Variants in STEAP2 observed in about 807,000 individuals in gnomAD.
The protein encoded by STEAP2 is STEAP2 metalloreductase, also known as metalloreductase STEAP2.
In STEAP2, 30 loss-of-function variants were observed where a neutral mutation model predicts 46.4. The observed-to-expected ratio is 0.65, with a 90% CI of 0.48 to 0.88. The LOEUF (loss-of-function observed/expected upper bound fraction) is 0.88, where lower values mean the gene tolerates loss of function less well. Ranked by LOEUF, STEAP2 falls within the 40% of genes least tolerant of loss-of-function variation. STEAP2 has a pLI of 0.00. For missense variants in STEAP2, 513 were observed against 579.3 expected (o/e 0.89, Z 1.18); for synonymous variants, 180 against 200.5 (o/e 0.90, Z 0.86).
Position 90,234,939 on chromosome 7 carries a change from G to A in STEAP2, c.*2315G>A, listed in dbSNP as rs1795909991. 1 of 983,642 alleles carries A rather than the reference G, an allele frequency of 1.0e-6. No individual in the cohort carries two copies. The highest frequency in any genetic ancestry group is 1.2e-6 in the Non-Finnish European group (1 of 828,484). The allele number at this position is 983,642 out of a possible 1,614,324, so 60.9% of individuals were successfully genotyped here. ...CTTGAGAATCACTTGTTAGTTCTTG[G>A]TAGGAATTCAGTTGGGCAATGATAA... On this transcript the variant is annotated 3_prime_UTR_variant, in exon 6 of 6. Coordinates refer to ENST00000394621, the MANE Select transcript of STEAP2 (RefSeq NM_001244944.2).
rs1795551266 is a variant in STEAP2, at chr7:90,227,469, T to G, written c.991T>G (p.Tyr331Asp). ...CTTACCGATGAGAAGGTCAGAGAGA[T>G]ATTTGTTTCTCAACATGGCTTATCA... ...LCLPMRRSERYLFLNMAYQQV... is the reference protein window; with the variant it reads ...LCLPMRRSERDLFLNMAYQQV... The change falls in exon 4 of 6, where the codon TAT becomes GAT. Residue 331 changes from tyrosine to aspartate, a missense_variant. By Grantham distance (160) the Tyr-to-Asp change is radical (BLOSUM62 -3). Coordinates refer to ENST00000394621, the MANE Select transcript of STEAP2 (RefSeq NM_001244944.2). 1.9e-6 allele frequency: 3 copies of G among 1,590,676 alleles called. No individual in the cohort carries two copies. The highest frequency in any genetic ancestry group is 2.6e-6 in the Non-Finnish European group (3 of 1,163,024).
Position 90,235,566 on chromosome 7 carries a change from C to G in STEAP2, c.*2942C>G, listed in dbSNP as rs1795935866. On this transcript the variant is annotated 3_prime_UTR_variant, in exon 6 of 6. Coordinates refer to ENST00000394621, the MANE Select transcript of STEAP2 (RefSeq NM_001244944.2). ...CCTGGTCTGTGTTTTGAGAAGTGCC[C>G]CTTAGAAAGTTAAAAGAATGTAGAA... The G allele has an allele frequency of 2.0e-6, 2 of 984,388 alleles. No homozygotes were observed. Among genetic ancestry groups the G allele is most frequent in the African/African-American group, 3.5e-5 (2 of 56,978 alleles). 61.0% of individuals were successfully genotyped at this position (984,388 alleles called of 1,614,324 possible). A position where few individuals can be genotyped will look rare whatever the true frequency, so the allele number is the denominator to read the frequency against.
At chr7:90,225,662 T>C in intron 3 of STEAP2, 88 bp downstream of exon 3, 1 of 1,365,132 alleles carries the variant, frequency 7.3e-7, no homozygotes, top group South Asian at 1.5e-5. Flanking sequence ...TACCAAACTC[T>C]GACACTTTCC....
chr7:90,234,266 A>C lies in STEAP2; in HGVS notation c.*1642A>C. On this transcript the variant is annotated 3_prime_UTR_variant, in exon 6 of 6. Coordinates refer to ENST00000394621, the MANE Select transcript of STEAP2 (RefSeq NM_001244944.2). ...AATTGCATTTTGCTCAAACTGTAGA[A>C]TGCCCTACATTCCCCCCACCCCAAT... The C allele has an allele frequency of 1.0e-6, 1 of 985,396 alleles. No individual in the cohort carries two copies. The highest frequency in any genetic ancestry group is 1.2e-6 in the Non-Finnish European group (1 of 829,918). 61.0% of individuals were successfully genotyped at this position (985,396 alleles called of 1,614,324 possible).
chr7:90,226,622 G>T (rs941662433), intron 3 of STEAP2, among the ~76,000 whole-genome samples: 3 of 152,054 alleles, frequency 2.0e-5, no homozygotes, highest in Non-Finnish European at 4.4e-5. Context: ...TTTCTATGTG[G>T]TCTATTTTAG....
rs752346097 is a variant in STEAP2, at chr7:90,234,747, G to T, written c.*2123G>T. The stretch of plus-strand genomic sequence containing the variant: ...TTTTTGTATTTTTAGTAGAGACGGA[G>T]TTTCACCGTGTTAGCCAGGATGGTC... On this transcript the variant is annotated 3_prime_UTR_variant, in exon 6 of 6. Coordinates refer to ENST00000394621, the MANE Select transcript of STEAP2 (RefSeq NM_001244944.2). The T allele has an allele frequency of 1.9e-6, 1 of 523,610 alleles. No individual in the cohort carries two copies. The highest frequency in any genetic ancestry group is 1.5e-4 in the East Asian group (1 of 6,772). 32.4% of individuals were successfully genotyped at this position (523,610 alleles called of 1,614,324 possible). A position where few individuals can be genotyped will look rare whatever the true frequency, so the allele number is the denominator to read the frequency against.
chr7:90,241,204 G>A (rs1796055450), downstream of STEAP2, among the ~76,000 whole-genome samples: 1 of 151,762 alleles, frequency 6.6e-6, no homozygotes, highest in Admixed American at 6.6e-5. Context: ...ACACACATGA[G>A]CAGTGCTTCT....
At chr7:90,220,856 G>T (rs194513) in intron 2 of STEAP2, among the ~76,000 whole-genome samples, 77,941 of 148,570 alleles carry the variant, frequency 0.52, 20,364 homozygotes, top group Non-Finnish European at 0.55. Flanking sequence ...GAAATTTTTT[G>T]ATTTCTTCCT....
chr7:90,212,169 T>A (rs924456996), intron 1 of STEAP2, 124 bp downstream of exon 1: 4 of 152,482 alleles, frequency 2.6e-5, no homozygotes, highest in Non-Finnish European at 5.9e-5. Context: ...GCGTCCGCCC[T>A]GAGCTGCGGG....
At chr7:90,240,027 T>C (rs955747069), downstream of STEAP2, among the ~76,000 whole-genome samples, 22 of 152,226 alleles carry the variant, frequency 1.4e-4, no homozygotes, top group African/African-American at 4.3e-4. The surrounding 1 kb of genome is among the most constrained non-coding windows in gnomAD (Gnocchi z 4.1). Flanking sequence ...ATCCTAGCAC[T>C]TTGGGAGGCC....
At chr7:90,240,904 C>A (rs1796051848), downstream of STEAP2, among the ~76,000 whole-genome samples, 1 of 152,154 alleles carries the variant, frequency 6.6e-6, no homozygotes, top group African/African-American at 2.4e-5. The surrounding 1 kb of genome is among the most constrained non-coding windows in gnomAD (Gnocchi z 4.1). Flanking sequence ...CTTCAGTAGT[C>A]ATTTCACCCT....
rs1044528414 is a variant in STEAP2, at chr7:90,237,333, T to C, written c.*4709T>C. The C allele has an allele frequency of 1.7e-5, 3 of 181,278 alleles. No individual in the cohort carries two copies. Among genetic ancestry groups the C allele is most frequent in the African/African-American group, 7.0e-5 (3 of 42,730 alleles). The allele number at this position is 181,278 out of a possible 1,614,324, so 11.2% of individuals were successfully genotyped here. Reference sequence around the variant, plus strand: ...TTAACACTGTCTGAATTAACTAGACTGCAATAATTCTTTCTTTTGAAAGCT... The same window carrying C: ...TTAACACTGTCTGAATTAACTAGACCGCAATAATTCTTTCTTTTGAAAGCT... On this transcript the variant is annotated 3_prime_UTR_variant, in exon 6 of 6. Transcript: ENST00000394621.
At chr7:90,214,760 G>A (rs1184839761) in intron 1 of STEAP2, among the ~76,000 whole-genome samples, 1 of 152,120 alleles carries the variant, frequency 6.6e-6, no homozygotes, top group African/African-American at 2.4e-5. Flanking sequence ...GATTTCTTTT[G>A]CTGTTTAGAA....
Position 90,234,654 on chromosome 7 carries a change from C to G in STEAP2, c.*2030C>G. 1 of 602,742 alleles carries G rather than the reference C, an allele frequency of 1.7e-6. No homozygotes were observed. The highest frequency in any genetic ancestry group is 2.0e-5 in the African/African-American group (1 of 49,298). 37.3% of individuals were successfully genotyped at this position (602,742 alleles called of 1,614,324 possible). A position where few individuals can be genotyped will look rare whatever the true frequency, so the allele number is the denominator to read the frequency against. ...CAAGCTCTGCCTCCCGGGTTCACGC[C>G]ATTCTCCTGCCTCAGCCTCCCGAGT... On this transcript the variant is annotated 3_prime_UTR_variant, in exon 6 of 6. Coordinates refer to ENST00000394621, the MANE Select transcript of STEAP2 (RefSeq NM_001244944.2).
At chr7:90,227,605 G>A (rs1795557901) in intron 4 of STEAP2, 107 bp downstream of exon 4, 2 of 1,107,070 alleles carry the variant, frequency 1.8e-6, no homozygotes, top group Non-Finnish European at 2.4e-6. Flanking sequence ...TTTGATTTTG[G>A]TATACTGCGG....
downstream of STEAP2, among the ~76,000 whole-genome samples, chr7:90,239,201 C>T (rs1048831867): frequency 1.3e-5 from 2 of 152,104 alleles, no homozygotes; most frequent in African/African-American, 4.8e-5. Flanking sequence ...CAGTTGGGCC[C>T]TAATCCAGTA....
downstream of STEAP2, among the ~76,000 whole-genome samples, chr7:90,239,136 C>T (rs1037302035): frequency 1.3e-5 from 2 of 152,204 alleles, no homozygotes; most frequent in East Asian, 3.8e-4. Context: ...AACTCCCACA[C>T]TACCTCAGAA....
chr7:90,241,466 C>CTT (rs1220657538), downstream of STEAP2, among the ~76,000 whole-genome samples: 1 of 152,140 alleles, frequency 6.6e-6, no homozygotes, highest in African/African-American at 2.4e-5. Context: ...TCCTTGAAAT[C>CTT]TTTTAATGAA....
In STEAP2 at chr7:90,232,673, ATTT is replaced by A. The variant is rs1439499731; in HGVS notation, c.*52_*54del. ...CATATAAAGTTCTACTCATGCCATTATTTTTATGACTTCTACGTTCAGTTACAA... is the reference window on the plus strand; with the variant it reads ...CATATAAAGTTCTACTCATGCCATTATTATGACTTCTACGTTCAGTTACAA... On this transcript the variant is annotated 3_prime_UTR_variant, in exon 6 of 6. Transcript: ENST00000394621. The A allele has an allele frequency of 2.6e-6, 4 of 1,512,614 alleles. No homozygotes were observed. The highest frequency in any genetic ancestry group is 3.5e-6 in the Non-Finnish European group (4 of 1,130,468). The allele number at this position is 1,512,614 out of a possible 1,614,324, so 93.7% of individuals were successfully genotyped here. A position where few individuals can be genotyped will look rare whatever the true frequency, so the allele number is the denominator to read the frequency against.
Sources: gnomAD v4.1 joint callset for allele counts (sites outside exome capture counted in the v4.1 genomes callset) on GRCh38, gnomAD v4.1.1 for gene constraint, Gnocchi (gnomAD v3.1) non-coding constraint, MANE v1.5 for transcripts, NCBI Gene and HGNC (gene_info 2026-07-23, HGNC 2026-07-21) for gene names.